DGKB: variants seen among roughly 807,000 people sequenced by gnomAD.
DGKB encodes the protein 90 kDa diacylglycerol kinase.
Under a neutral mutation model 114.3 loss-of-function variants are expected in DGKB, and 67 were observed. That is an observed-to-expected ratio of 0.59 (90% CI 0.48 to 0.72). The LOEUF (loss-of-function observed/expected upper bound fraction) is 0.72. Ranked by LOEUF, DGKB falls within the 30% of genes least tolerant of loss-of-function variation. DGKB has a pLI of 0.00. For synonymous variants in DGKB, 398 were observed against 323.1 expected, an observed-to-expected ratio of 1.23 and a Z score of -2.49; for missense variants, 907 against 975.2, an observed-to-expected ratio of 0.93 and a Z score of 0.93.
chr7:14,629,186 C>T (rs980867153), intron 14 of DGKB, among the ~76,000 whole-genome samples: 5 of 151,932 alleles, frequency 3.3e-5, no homozygotes, highest in African/African-American at 1.2e-4. Context: ...AATAAACTGT[C>T]CTAATACTTT....
intron 13 of DGKB, among the ~76,000 whole-genome samples, chr7:14,632,349 T>C (rs1585217278): frequency 6.6e-6 from 1 of 151,882 alleles, no homozygotes; most frequent in Non-Finnish European, 1.5e-5. Context: ...AGTGATGTGG[T>C]GTTAGGCTAT....
At chr7:14,318,885 C>A (rs1370631231) in intron 23 of DGKB, among the ~76,000 whole-genome samples, 2 of 152,106 alleles carry the variant, frequency 1.3e-5, no homozygotes, top group Admixed American at 1.3e-4. Flanking sequence ...TTGGAACCAA[C>A]CCAAATGTCC....
chr7:14,594,475 A>G (rs1165810603), intron 17 of DGKB, among the ~76,000 whole-genome samples: 7 of 152,230 alleles, frequency 4.6e-5, no homozygotes, highest in Non-Finnish European at 7.4e-5. Context: ...AAGAGTGTCA[A>G]TTAAAACAGA....
chr7:14,639,750 G>GT (rs1811393758), intron 13 of DGKB, among the ~76,000 whole-genome samples: 1 of 152,138 alleles, frequency 6.6e-6, no homozygotes, highest in African/African-American at 2.4e-5. Flanking sequence ...ATTATAGGTT[G>GT]TTTTGTTTTT....
chr7:14,500,244 T>G (rs1295036646), intron 20 of DGKB, among the ~76,000 whole-genome samples: 1 of 151,894 alleles, frequency 6.6e-6, no homozygotes, highest in East Asian at 1.9e-4. Context: ...TTAACTGTAT[T>G]GATCCAGACT....
At chr7:14,766,775 C>T (rs1181448652) in intron 2 of DGKB, among the ~76,000 whole-genome samples, 1 of 151,588 alleles carries the variant, frequency 6.6e-6, no homozygotes, top group Non-Finnish European at 1.5e-5. Flanking sequence ...AGTTCAAGTA[C>T]CAGGAAAAGA....
chr7:14,609,845 G>A (rs1374720631), intron 16 of DGKB, among the ~76,000 whole-genome samples: 4 of 152,018 alleles, frequency 2.6e-5, no homozygotes, highest in African/African-American at 9.7e-5. Context: ...CAATCAGAAT[G>A]GCTATTATTA....
intron 1 of DGKB, among the ~76,000 whole-genome samples, chr7:14,911,169 T>C (rs1783983066): frequency 6.6e-6 from 1 of 152,064 alleles, no homozygotes; most frequent in Non-Finnish European, 1.5e-5. Context: ...AATTACAGTA[T>C]GAACTCATTG....
chr7:14,715,020 T>C (rs1827965871), intron 6 of DGKB, among the ~76,000 whole-genome samples: 2 of 152,130 alleles, frequency 1.3e-5, no homozygotes, highest in African/African-American at 4.8e-5. Context: ...CTCATAGTTA[T>C]CCCATGGGAC....
intron 1 of DGKB, among the ~76,000 whole-genome samples, chr7:14,948,793 T>C (rs1018594339): frequency 3.3e-5 from 5 of 151,780 alleles, no homozygotes; most frequent in Middle Eastern, 3.2e-3. Context: ...ACATAATAAG[T>C]TAATATCAGA....
chr7:14,439,512 A>G (rs1197950486), intron 21 of DGKB, among the ~76,000 whole-genome samples: 1 of 152,012 alleles, frequency 6.6e-6, no homozygotes, highest in Non-Finnish European at 1.5e-5. Flanking sequence ...CACTTTCTTC[A>G]GTCTGGCATT....
chr7:14,240,683 G>T (rs552005165), intron 23 of DGKB, among the ~76,000 whole-genome samples: 80 of 152,120 alleles, frequency 5.3e-4, no homozygotes, highest in African/African-American at 1.7e-3. Flanking sequence ...TGCCATGTGG[G>T]TCTCCTTATT....
chr7:14,868,991 G>C (rs1417936266), intron 1 of DGKB, among the ~76,000 whole-genome samples: 1 of 152,138 alleles, frequency 6.6e-6, no homozygotes, highest in Non-Finnish European at 1.5e-5. Flanking sequence ...ACCACTGTTT[G>C]TCTTAGAGGT....
In DGKB at chr7:14,267,512, G is replaced by T. The variant is rs377029095; in HGVS notation, c.2122+71003C>A. 5.4e-4 allele frequency among the ~76,000 whole-genome samples: 81 copies of T among 149,672 alleles called. No homozygotes were observed. The East Asian group carries it at 0.014, about 25-fold the overall frequency. Reference sequence around the variant, plus strand: ...TTTTATTATTTATTTTTTTTGAGACGGAGTCTGGCTCTGTTGCCCAGGCTG... The same window carrying T: ...TTTTATTATTTATTTTTTTTGAGACTGAGTCTGGCTCTGTTGCCCAGGCTG... On this transcript the variant is annotated intron_variant, in intron 23 of 25. Coordinates refer to ENST00000402815, the MANE Select transcript of DGKB (RefSeq NM_001350709.2).
intron 23 of DGKB, among the ~76,000 whole-genome samples, chr7:14,208,325 T>C (rs1787166559): frequency 6.6e-6 from 1 of 152,064 alleles, no homozygotes; most frequent in African/African-American, 2.4e-5. Flanking sequence ...TTCGGGTTTT[T>C]AAACTGCTGG....
chr7:14,434,985 T>C (rs1829023581), intron 21 of DGKB, among the ~76,000 whole-genome samples: 1 of 152,152 alleles, frequency 6.6e-6, no homozygotes, highest in Admixed American at 6.6e-5. Flanking sequence ...CCCCATTTCC[T>C]TTCAATTGCA....
chr7:14,828,366 A>C (rs1845973963), intron 2 of DGKB, among the ~76,000 whole-genome samples: 1 of 152,236 alleles, frequency 6.6e-6, no homozygotes, highest in East Asian at 1.9e-4. Flanking sequence ...AAGAAAAAAA[A>C]TGAAATAGTT....
At chr7:14,607,799 G>A (rs527410999) in intron 16 of DGKB, among the ~76,000 whole-genome samples, 15 of 151,698 alleles carry the variant, frequency 9.9e-5, no homozygotes, top group South Asian at 8.3e-4. Flanking sequence ...TCTCTAACCC[G>A]CTTTTGAACA....
At chr7:14,612,169 T>C (rs1805669998) in intron 16 of DGKB, among the ~76,000 whole-genome samples, 1 of 151,044 alleles carries the variant, frequency 6.6e-6, no homozygotes, top group Admixed American at 6.6e-5. Flanking sequence ...TATTTTATTT[T>C]ATTTTATTTT....
Sources: gnomAD v4.1 joint callset for allele counts (sites outside exome capture counted in the v4.1 genomes callset) on GRCh38, gnomAD v4.1.1 for gene constraint, MANE v1.5 for transcripts, NCBI Gene and HGNC (gene_info 2026-07-23, HGNC 2026-07-21) for gene names.